Variants in SLC1A6 observed in about 807,000 individuals in gnomAD.
SLC1A6 encodes the protein solute carrier family 1 member 6.
SLC1A6 carries 15 observed loss-of-function variants against 42.1 expected under a neutral mutation model. The ratio of observed to expected loss-of-function variants is 0.36; its 90% CI spans 0.24 to 0.55. SLC1A6 has a LOEUF of 0.55. Among genes scored for constraint, SLC1A6 ranks in the 20% least tolerant of loss-of-function variants. The pLI, the probability that SLC1A6 is intolerant of heterozygous loss-of-function variation, is 0.88. For synonymous variants in SLC1A6, 317 were observed against 319.7 expected (o/e 0.99, Z 0.09); for missense variants, 542 against 772.5 (o/e 0.70, Z 3.54).
intron 1 of SLC1A6, among the ~76,000 whole-genome samples, chr19:14,996,449 T>C (rs1278669203): frequency 6.6e-6 from 1 of 151,998 alleles, no homozygotes; most frequent in African/African-American, 2.4e-5. Flanking sequence ...TCCTGCCAAT[T>C]GGTCAGTTTG....
intron 7 of SLC1A6, 104 bp from the exon 8 acceptor site, chr19:14,954,433 CGAA>C: frequency 4.9e-6 from 5 of 1,026,650 alleles, no homozygotes; most frequent in Non-Finnish European, 7.3e-6. Context: ...GGGGCGTGGC[CGAA>C]GAAAGGCTGG....
In SLC1A6 at chr19:14,979,050, T is replaced by TCACTCACA. The variant is rs1555708547; in HGVS notation, c.-8+258_-8+259insTGTGAGTG. On this transcript the variant is annotated intron_variant, in intron 1 of 9. Coordinates refer to ENST00000594383, the MANE Select transcript of SLC1A6 (RefSeq NM_005071.3). This position sits in a 1 kb window ranked among gnomAD's most constrained non-coding sequence, Gnocchi z 4.2. The stretch of plus-strand genomic sequence containing the variant: ...CAAATTCAGTCTCTCTCTCTCTCTG[T>TCACTCACA]CACACACACACACACACACACACAC... 4.9e-3 allele frequency among the ~76,000 whole-genome samples: 649 copies of TCACTCACA among 131,406 alleles called. 4 individuals carry two copies. The highest frequency in any genetic ancestry group is 7.6e-3 in the Non-Finnish European group (472 of 61,944). 86.2% of individuals were successfully genotyped at this position (131,406 alleles called of 152,430 possible).
At chr19:14,954,780 A>G (rs2045446602) in intron 7 of SLC1A6, among the ~76,000 whole-genome samples, 2 of 152,346 alleles carry the variant, frequency 1.3e-5, no homozygotes, top group South Asian at 4.1e-4. Context: ...CTCATGATAC[A>G]GGAAGAAAAC....
At chr19:14,965,420 C>A (rs1568288670) in intron 4 of SLC1A6, among the ~76,000 whole-genome samples, 1 of 152,166 alleles carries the variant, frequency 6.6e-6, no homozygotes, top group Non-Finnish European at 1.5e-5. Flanking sequence ...ATCAAAAAGA[C>A]ACCTGCACAC....
At chr19:14,995,343 AAGAAAGAAAG>A (rs1421463502) in intron 1 of SLC1A6, among the ~76,000 whole-genome samples, 3 of 76,004 alleles carry the variant, frequency 3.9e-5, no homozygotes, top group Non-Finnish European at 8.0e-5. Flanking sequence ...AAAAAAAAAA[AAGAAAGAAAG>A]AAAGAAAGAA....
chr19:14,992,761 C>T (rs561779189), intron 1 of SLC1A6, among the ~76,000 whole-genome samples: 22 of 152,264 alleles, frequency 1.4e-4, no homozygotes, highest in Non-Finnish European at 3.1e-4. Flanking sequence ...AACTCTGGCC[C>T]TAGCATTAGG....
chr19:14,953,798 A>T (rs1269331236), intron 8 of SLC1A6, among the ~76,000 whole-genome samples: 1 of 152,184 alleles, frequency 6.6e-6, no homozygotes, highest in East Asian at 1.9e-4. Flanking sequence ...TACAGGAATA[A>T]ATAAATGTAT....
intron 9 of SLC1A6, among the ~76,000 whole-genome samples, chr19:14,951,677 C>T (rs10408350): frequency 0.64 from 96,490 of 151,690 alleles, 30,724 homozygotes; most frequent in South Asian, 0.68. Context: ...CCACTAGGCC[C>T]GGCTAATTTT....
At chr19:14,972,647 A>ATTTCCCTGAAGTCCCCGCC (rs774978272) in intron 2 of SLC1A6, 59 bp downstream of exon 2, 3 of 1,464,414 alleles carry the variant, frequency 2.0e-6, no homozygotes, top group Middle Eastern at 1.7e-4. Context: ...GAGGCCAGGA[A>ATTTCCCTGAAGTCCCCGCC]TTTCCCTGAA....
chr19:14,978,853 T>A (rs2145219770), intron 1 of SLC1A6, among the ~76,000 whole-genome samples: 1 of 151,866 alleles, frequency 6.6e-6, no homozygotes, highest in East Asian at 1.9e-4. Context: ...CAACTACCCT[T>A]CATGAATTAA....
Position 14,956,491 on chromosome 19 carries a change from A to T in SLC1A6, c.1154T>A (p.Met385Lys). Residue 385 changes from methionine to lysine, a missense_variant, in exon 7 of 10, where the codon ATG becomes AAG. Around this residue, in one of 6 missense-constraint regions of SLC1A6, gnomAD observed 298 missense variants for 419.4 expected, o/e 0.71. Coordinates refer to ENST00000594383, the MANE Select transcript of SLC1A6 (RefSeq NM_005071.3). The stretch of plus-strand genomic sequence containing the variant: ...AAGGCCATACCTGGAAGACGTGCCC[A>T]TAGCGGTGATGAGGGCTTGTAGCAT... ...GGMLQALITA[M>K]GTSSSSATLP... 1 of 1,587,380 alleles carries T rather than the reference A, an allele frequency of 6.3e-7. No homozygotes were observed. The highest frequency in any genetic ancestry group is 8.6e-7 in the Non-Finnish European group (1 of 1,164,618).
chr19:15,005,475 C>T (rs1221391775), intron 1 of SLC1A6, among the ~76,000 whole-genome samples: 1 of 151,942 alleles, frequency 6.6e-6, no homozygotes, highest in East Asian at 1.9e-4. Flanking sequence ...CGCCACTGCA[C>T]TCCAGCCTGG....
intron 1 of SLC1A6, among the ~76,000 whole-genome samples, chr19:14,984,986 A>T (rs1854234407): frequency 1.3e-5 from 2 of 152,096 alleles, no homozygotes; most frequent in African/African-American, 4.8e-5. Context: ...GGTTCAAACA[A>T]TTCTCCTGCC....
intron 2 of SLC1A6, among the ~76,000 whole-genome samples, chr19:14,972,206 T>G (rs2045648004): frequency 6.6e-6 from 1 of 152,234 alleles, no homozygotes; most frequent in South Asian, 2.1e-4. Flanking sequence ...CACATGAATC[T>G]GCACAGGTGT....
intron 1 of SLC1A6, among the ~76,000 whole-genome samples, chr19:14,996,394 A>G (rs766895405): frequency 2.5e-4 from 38 of 152,196 alleles, no homozygotes; most frequent in Non-Finnish European, 4.4e-4. Context: ...ATGGGATTGT[A>G]CTTAATGCCA....
intron 1 of SLC1A6, chr19:14,973,895 G>C (rs1377069202): frequency 6.6e-6 from 1 of 152,464 alleles, no homozygotes; most frequent in African/African-American, 2.4e-5. Flanking sequence ...GGAGTCAGGA[G>C]AGCGGGGAGT....
chr19:15,007,349 A>G (rs1381332621), intron 1 of SLC1A6, among the ~76,000 whole-genome samples: 1 of 152,196 alleles, frequency 6.6e-6, no homozygotes, highest in East Asian at 1.9e-4. Flanking sequence ...ATCTACAGAG[A>G]CAGGGAGCAG....
chr19:14,993,542 G>A (rs2045831106), intron 1 of SLC1A6, among the ~76,000 whole-genome samples: 1 of 152,140 alleles, frequency 6.6e-6, no homozygotes, highest in Non-Finnish European at 1.5e-5. Flanking sequence ...TACTGGGAGG[G>A]GAGGCCTGGT....
chr19:14,954,194 G>A lies in SLC1A6; in HGVS notation c.1305C>T (p.Ala435=). Reference sequence around the variant, plus strand: ...AGTTGTTAACTTGAGCAATGAAGATGGCAGCCAGGGCCTCGTAGAGGGCAG... The same window carrying A: ...AGTTGTTAACTTGAGCAATGAAGATAGCAGCCAGGGCCTCGTAGAGGGCAG... ...DGTALYEALA[A]IFIAQVNNYE... Residue 435 remains alanine, a synonymous_variant, in exon 8 of 10, where the codon GCC becomes GCT. Transcript: ENST00000594383. 6.2e-7 allele frequency: 1 copy of A among 1,614,008 alleles called. No homozygotes were observed. The highest frequency in any genetic ancestry group is 8.5e-7 in the Non-Finnish European group (1 of 1,179,950).
Sources: gnomAD v4.1 joint callset for allele counts (sites outside exome capture counted in the v4.1 genomes callset) on GRCh38, gnomAD v4.1.1 for gene constraint, gnomAD v4.1.1 regional missense constraint, Gnocchi (gnomAD v3.1) non-coding constraint, MANE v1.5 for transcripts, NCBI Gene and HGNC (gene_info 2026-07-23, HGNC 2026-07-21) for gene names.